The following DOCK7 variants were observed in gnomAD, a reference collection of about 807,000 sequenced individuals.
The protein encoded by DOCK7 is dedicator of cytokinesis 7.
In DOCK7, 138 loss-of-function variants were observed where a neutral mutation model predicts 271.0. The ratio of observed to expected loss-of-function variants is 0.51; its 90% CI spans 0.44 to 0.59. The LOEUF (loss-of-function observed/expected upper bound fraction) is 0.59. Ranked by LOEUF, DOCK7 falls within the 20% of genes least tolerant of loss-of-function variation. The pLI, the probability that DOCK7 is intolerant of heterozygous loss-of-function variation, is 0.00. For synonymous variants in DOCK7, 823 were observed against 876.1 expected, an observed-to-expected ratio of 0.94 and a Z score of 1.07; for missense variants, 2,066 against 2,592.4, an observed-to-expected ratio of 0.80 and a Z score of 4.41.
chr1:62,475,498 A>T, intron 46 of DOCK7, 147 bp from the exon 47 acceptor site: 1 of 76,160 alleles, frequency 1.3e-5, no homozygotes, highest in Non-Finnish European at 2.3e-5. Context: ...TTCCTAAATG[A>T]AAAAAAAAAA....
chr1:62,513,321 G>T, intron 33 of DOCK7, 123 bp downstream of exon 33: 2 of 688,320 alleles, frequency 2.9e-6, no homozygotes, highest in Non-Finnish European at 3.8e-6. Context: ...GCAGAGAAAT[G>T]ATTATTCAAG....
At chr1:62,563,971 A>C (rs1471784459) in intron 18 of DOCK7, among the ~76,000 whole-genome samples, 1 of 151,974 alleles carries the variant, frequency 6.6e-6, no homozygotes, top group Admixed American at 6.6e-5. Context: ...ACAGAGACAA[A>C]GAAGGGCATT....
rs948492211 is a variant in DOCK7, at chr1:62,662,386, A to G, written c.144+639T>C. Among the ~76,000 whole-genome samples the G allele has an allele frequency of 3.9e-5, 6 of 151,926 alleles. No homozygotes were observed. The East Asian group carries it at 1.2e-3, about 29-fold the overall frequency. ...ATTTATCTTAAAGGGGACAGATAAT[A>G]CTACAAACCCAAATAATTTACTTCG... On this transcript the variant is annotated intron_variant, in intron 2 of 49. Transcript: ENST00000635253.
chr1:62,508,194 G>A, intron 34 of DOCK7, 136 bp from the exon 35 acceptor site: 2 of 765,000 alleles, frequency 2.6e-6, no homozygotes, highest in Non-Finnish European at 3.9e-6. Flanking sequence ...AAGAGAATAA[G>A]AAAAAAGGCA....
intron 43 of DOCK7, among the ~76,000 whole-genome samples, chr1:62,479,421 A>C (rs1186673368): frequency 6.6e-5 from 10 of 152,196 alleles, no homozygotes; most frequent in Admixed American, 5.9e-4. Context: ...TTCAAAATTT[A>C]ACACACATAA....
At chr1:62,642,574 T>A (rs907421712) in intron 7 of DOCK7, among the ~76,000 whole-genome samples, 1 of 152,194 alleles carries the variant, frequency 6.6e-6, no homozygotes, top group Non-Finnish European at 1.5e-5. Context: ...AATATCAATA[T>A]CTTTATTATT....
In DOCK7 at chr1:62,462,803, G is replaced by A. The variant is rs59853552; in HGVS notation, c.6213-5098C>T. On this transcript the variant is annotated intron_variant, in intron 48 of 49. Transcript: ENST00000635253. The stretch of plus-strand genomic sequence containing the variant: ...TTTTTAAGAGATAGGGTCTCACTAC[G>A]TAGACTTGAACTTCTGGCCTCAAGC... Among the ~76,000 whole-genome samples the A allele has an allele frequency of 6.6e-3, 989 of 150,972 alleles. 15 individuals are homozygous for A. The highest frequency in any genetic ancestry group is 0.023 in the African/African-American group (955 of 41,136).
At chr1:62,659,917 GC>G (rs1377332212) in intron 2 of DOCK7, among the ~76,000 whole-genome samples, 1 of 152,110 alleles carries the variant, frequency 6.6e-6, no homozygotes, top group African/African-American at 2.4e-5. Context: ...AAATAACAGA[GC>G]TATAAAATAG....
At chr1:62,532,685 A>T (rs1003624833) in intron 29 of DOCK7, among the ~76,000 whole-genome samples, 1 of 152,206 alleles carries the variant, frequency 6.6e-6, no homozygotes, top group African/African-American at 2.4e-5. Flanking sequence ...CACTGAGAAG[A>T]TGCTGTTTGA....
intron 48 of DOCK7, among the ~76,000 whole-genome samples, chr1:62,464,894 A>G (rs930768067): frequency 6.6e-6 from 1 of 152,216 alleles, no homozygotes; most frequent in South Asian, 2.1e-4. Flanking sequence ...TTGAAAACAA[A>G]TTGTGTAGTT....
intron 18 of DOCK7, among the ~76,000 whole-genome samples, chr1:62,573,114 T>C (rs1365443774): frequency 2.0e-5 from 3 of 152,138 alleles, no homozygotes; most frequent in Non-Finnish European, 2.9e-5. Flanking sequence ...GAGGGAAAGG[T>C]TGCAAATTCA....
chr1:62,677,941 A>C (rs796516349), intron 1 of DOCK7, among the ~76,000 whole-genome samples: 36 of 143,170 alleles, frequency 2.5e-4, no homozygotes, highest in African/African-American at 9.3e-4. Context: ...CAGCCTGGGC[A>C]ACATAGCAAG....
intron 31 of DOCK7, among the ~76,000 whole-genome samples, chr1:62,518,309 C>T (rs1407120503): frequency 2.6e-5 from 4 of 151,510 alleles, no homozygotes; most frequent in Non-Finnish European, 4.4e-5. Flanking sequence ...TGGTGGCTCA[C>T]GCCTGTAATC....
chr1:62,614,240 G>A (rs1652165856), intron 14 of DOCK7, among the ~76,000 whole-genome samples: 1 of 151,910 alleles, frequency 6.6e-6, no homozygotes, highest in Non-Finnish European at 1.5e-5. Flanking sequence ...TTGTATATTA[G>A]CTGTCAGCTG....
intron 14 of DOCK7, among the ~76,000 whole-genome samples, chr1:62,606,315 TAAAA>T (rs546315183): frequency 7.2e-6 from 1 of 139,506 alleles, no homozygotes; most frequent in African/African-American, 2.6e-5. Flanking sequence ...TTGGTTTCCT[TAAAA>T]AAAAAAAAAA....
chr1:62,639,516 GCT>G (rs1490809166), intron 7 of DOCK7, among the ~76,000 whole-genome samples: 1 of 131,934 alleles, frequency 7.6e-6, no homozygotes, highest in Non-Finnish European at 1.5e-5. Flanking sequence ...CTCACTGCAA[GCT>G]CCACCTCCTG....
At chr1:62,457,303 T>C (rs1035929141) in intron 49 of DOCK7, among the ~76,000 whole-genome samples, 1 of 152,204 alleles carries the variant, frequency 6.6e-6, no homozygotes, top group South Asian at 2.1e-4. Flanking sequence ...TCAGAGACTT[T>C]TTAAGCGCTG....
At chr1:62,529,578 C>T in intron 29 of DOCK7, 132 bp from the exon 30 acceptor site, 1 of 521,284 alleles carries the variant, frequency 1.9e-6, no homozygotes, top group Non-Finnish European at 3.1e-6. Flanking sequence ...CATATATTTG[C>T]ATGCATTCCA....
At chr1:62,653,219 G>A (rs1657591933) in intron 4 of DOCK7, among the ~76,000 whole-genome samples, 1 of 152,066 alleles carries the variant, frequency 6.6e-6, no homozygotes. Context: ...AGTTTATTAG[G>A]AAAATAAATT....
Sources: allele counts gnomAD v4.1 joint callset (sites outside exome capture counted in the v4.1 genomes callset), GRCh38; gene constraint gnomAD v4.1.1; transcripts MANE v1.5; gene names NCBI Gene and HGNC (gene_info 2026-07-23, HGNC 2026-07-21).